GRK3: variants seen among roughly 807,000 people sequenced by gnomAD.
The protein encoded by GRK3 is G protein-coupled receptor kinase 3.
In GRK3, 54 loss-of-function variants were observed where a neutral mutation model predicts 95.7. The observed-to-expected ratio is 0.56, with a 90% CI of 0.45 to 0.71. GRK3 has a LOEUF of 0.71. Among genes scored for constraint, GRK3 ranks in the 30% least tolerant of loss-of-function variants. GRK3 has a pLI of 0.00. For synonymous variants in GRK3, 281 were observed against 290.8 expected, an observed-to-expected ratio of 0.97 and a Z score of 0.34; for missense variants, 649 against 851.2, an observed-to-expected ratio of 0.76 and a Z score of 2.96.
intron 1 of GRK3, among the ~76,000 whole-genome samples, chr22:25,588,991 G>A (rs935093717): frequency 1.3e-5 from 2 of 151,926 alleles, no homozygotes; most frequent in African/African-American, 4.8e-5. Context: ...GGCAGTTCTC[G>A]AACTCCTGGC....
chr22:25,718,537 G>A (rs1158811403), intron 19 of GRK3, among the ~76,000 whole-genome samples, 156 bp downstream of exon 19: 1 of 152,194 alleles, frequency 6.6e-6, no homozygotes, highest in African/African-American at 2.4e-5. Flanking sequence ...ACTTTAACTT[G>A]TTTTTAAACT....
rs1412308406 is a variant in GRK3, at chr22:25,726,954, T to TGTGTGC, written c.*4507_*4508insTGCGTG. Reference sequence around the variant, plus strand: ...GTGTGTGTGTGTGTGTGTGTGTGTGTGTGCACTTTGCAGCCCCCGAGGTGG... The same window carrying TGTGTGC: ...GTGTGTGTGTGTGTGTGTGTGTGTGTGTGTGCGTGCACTTTGCAGCCCCCGAGGTGG... On this transcript the variant is annotated 3_prime_UTR_variant, in exon 21 of 21. Coordinates refer to ENST00000324198, the MANE Select transcript of GRK3 (RefSeq NM_005160.4). 1 of 151,256 alleles carries TGTGTGC rather than the reference T, an allele frequency of 6.6e-6. No homozygotes were observed. The highest frequency in any genetic ancestry group is 6.7e-5 in the Admixed American group (1 of 14,976). 9.4% of individuals were successfully genotyped at this position (151,256 alleles called of 1,614,324 possible).
intron 7 of GRK3, among the ~76,000 whole-genome samples, chr22:25,673,309 G>T (rs1407758621): frequency 2.6e-5 from 4 of 151,916 alleles, no homozygotes; most frequent in African/African-American, 7.3e-5. Flanking sequence ...TGATCAGCCC[G>T]CCTCGGCCTC....
chr22:25,720,877 C>G (rs766906410), intron 19 of GRK3, among the ~76,000 whole-genome samples: 9 of 152,184 alleles, frequency 5.9e-5, no homozygotes, highest in Non-Finnish European at 1.2e-4. Context: ...TAAACATTTA[C>G]TGAGTTGCTG....
chr22:25,637,691 C>G (rs1007314820), intron 2 of GRK3, among the ~76,000 whole-genome samples: 1 of 152,202 alleles, frequency 6.6e-6, no homozygotes, highest in Admixed American at 6.5e-5. Context: ...CTTTACCATG[C>G]TCCAAATCTA....
intron 17 of GRK3, among the ~76,000 whole-genome samples, chr22:25,711,988 C>T (rs1367232998): frequency 1.3e-5 from 2 of 152,208 alleles, no homozygotes; most frequent in Non-Finnish European, 2.9e-5. Context: ...ACTGGAGACA[C>T]GTAGGACTGG....
chr22:25,692,838 C>G (rs546019408), intron 12 of GRK3, among the ~76,000 whole-genome samples: 1 of 152,182 alleles, frequency 6.6e-6, no homozygotes. Flanking sequence ...GGATGAACTC[C>G]CTGAGGCTTT....
In GRK3 at chr22:25,709,976, C is replaced by T; in HGVS notation, c.1395+12C>T. On this transcript the variant is annotated intron_variant, in intron 16 of 20. Transcript: ENST00000324198. ...TCTACTTACAAAAGGTACTCACTCC[C>T]TCTTGACTCTACTTACGGTACTGCC... 1.3e-6 allele frequency: 2 copies of T among 1,598,262 alleles called. No individual in the cohort carries two copies. The highest frequency in any genetic ancestry group is 1.7e-6 in the Non-Finnish European group (2 of 1,165,576).
chr22:25,577,377 A>G (rs1931941854), intron 1 of GRK3, among the ~76,000 whole-genome samples: 1 of 151,980 alleles, frequency 6.6e-6, no homozygotes, highest in Admixed American at 6.6e-5. Context: ...GTTTTGCCAC[A>G]TTGCCCAGGC....
chr22:25,576,189 C>CTT (rs4049397), intron 1 of GRK3, among the ~76,000 whole-genome samples: 2,020 of 148,352 alleles, frequency 0.014, 67 homozygotes, highest in African/African-American at 0.039. Context: ...AGCTCTCTCT[C>CTT]GTGGGTCCCC....
At chr22:25,569,868 C>G (rs556849023) in intron 1 of GRK3, among the ~76,000 whole-genome samples, 1 of 152,322 alleles carries the variant, frequency 6.6e-6, no homozygotes, top group African/African-American at 2.4e-5. Flanking sequence ...GTTGCATTAG[C>G]TCCGTTTAAC....
At chr22:25,691,758 GTTAT>G (rs1399102637) in intron 12 of GRK3, among the ~76,000 whole-genome samples, 8 of 152,252 alleles carry the variant, frequency 5.3e-5, no homozygotes, top group African/African-American at 1.9e-4. Context: ...CAGATATGGG[GTTAT>G]TTATTTCCTA....
chr22:25,658,081 A>G (rs901446138), intron 3 of GRK3, among the ~76,000 whole-genome samples: 1 of 152,012 alleles, frequency 6.6e-6, no homozygotes, highest in Non-Finnish European at 1.5e-5. Flanking sequence ...CGTTACATGA[A>G]TATTTTCTGT....
intron 9 of GRK3, among the ~76,000 whole-genome samples, chr22:25,680,954 T>G (rs1247890954): frequency 6.6e-6 from 1 of 152,040 alleles, no homozygotes; most frequent in Non-Finnish European, 1.5e-5. Flanking sequence ...GGAAGGTTTT[T>G]TTTTTTTTTT....
At chr22:25,648,659 A>G in intron 3 of GRK3, 6 of 1,023,168 alleles carry the variant, frequency 5.9e-6, no homozygotes, top group Non-Finnish European at 9.3e-6. Flanking sequence ...AATTGATGTC[A>G]AAAGGAAGCT....
intron 16 of GRK3, 113 bp downstream of exon 16, chr22:25,710,077 G>A (rs1037251067): frequency 1.2e-6 from 1 of 808,790 alleles, no homozygotes; most frequent in Non-Finnish European, 2.2e-6. Flanking sequence ...TCCTGGCTGT[G>A]TCTCCCCAGC....
chr22:25,719,268 G>A (rs1309813399), intron 19 of GRK3, among the ~76,000 whole-genome samples: 1 of 152,004 alleles, frequency 6.6e-6, no homozygotes, highest in Non-Finnish European at 1.5e-5. Context: ...GAGGAAAGCA[G>A]GCTTAGAAGA....
intron 2 of GRK3, among the ~76,000 whole-genome samples, chr22:25,636,072 G>T (rs1265464520): frequency 1.3e-5 from 2 of 152,082 alleles, no homozygotes; most frequent in African/African-American, 4.8e-5. Context: ...GCTGGTTCCT[G>T]TTCATATAGC....
chr22:25,602,071 A>G lies in GRK3; in HGVS notation c.114-2306A>G, dbSNP rs551809990. Among the ~76,000 whole-genome samples the G allele has an allele frequency of 2.6e-5, 4 of 152,340 alleles. No individual in the cohort carries two copies. In the East Asian group the frequency reaches 7.7e-4, roughly 29 times the overall value. On this transcript the variant is annotated intron_variant, in intron 1 of 20. Coordinates refer to ENST00000324198, the MANE Select transcript of GRK3 (RefSeq NM_005160.4). ...CACTGGGAGAAAATCTTAGCATCAC[A>G]TAAATCTGACATAGGACTTATTTCT...
Sources: allele counts gnomAD v4.1 joint callset (sites outside exome capture counted in the v4.1 genomes callset), GRCh38; gene constraint gnomAD v4.1.1; transcripts MANE v1.5; gene names NCBI Gene and HGNC (gene_info 2026-07-23, HGNC 2026-07-21).